Variants in GRM1 observed in about 807,000 individuals in gnomAD.
GRM1 encodes the protein glutamate metabotropic receptor 1, also known as metabotropic glutamate receptor 1.
GRM1 carries 33 observed loss-of-function variants against 90.9 expected under a neutral mutation model. The observed-to-expected ratio is 0.36, with a 90% CI of 0.28 to 0.49. The LOEUF is 0.49. Ranked by LOEUF, GRM1 falls within the 20% of genes least tolerant of loss-of-function variation. The pLI is 0.99. For missense variants in GRM1, 1,190 were observed against 1,534.3 expected, an observed-to-expected ratio of 0.78 and a Z score of 3.75; for synonymous variants, 700 against 613.2, an observed-to-expected ratio of 1.14 and a Z score of -2.09.
At chr6:146,316,081 A>T (rs2114956335) in intron 3 of GRM1, among the ~76,000 whole-genome samples, 1 of 152,206 alleles carries the variant, frequency 6.6e-6, no homozygotes, top group East Asian at 1.9e-4. Context: ...AACCTCTAAG[A>T]CCCTGACAAG....
At chr6:146,036,953 A>G (rs1157109722) in intron 1 of GRM1, among the ~76,000 whole-genome samples, 1 of 152,012 alleles carries the variant, frequency 6.6e-6, no homozygotes, top group Non-Finnish European at 1.5e-5. Context: ...ATTTGTTGGA[A>G]GAGACATGTA....
chr6:146,050,182 G>A (rs1791475180), intron 1 of GRM1, among the ~76,000 whole-genome samples: 2 of 151,928 alleles, frequency 1.3e-5, no homozygotes, highest in African/African-American at 2.4e-5. Context: ...TATTGCATTC[G>A]ACACACCTGT....
intron 2 of GRM1, among the ~76,000 whole-genome samples, chr6:146,196,526 C>T (rs1057401719): frequency 4.3e-5 from 6 of 139,622 alleles, no homozygotes; most frequent in Non-Finnish European, 9.1e-5. Flanking sequence ...AGGATGGTCT[C>T]GATCTCCTGA....
intron 2 of GRM1, among the ~76,000 whole-genome samples, chr6:146,212,260 C>A (rs1406814994): frequency 6.6e-6 from 1 of 152,180 alleles, no homozygotes; most frequent in Non-Finnish European, 1.5e-5. Context: ...GTTGACACAT[C>A]TGAAGACCAT....
At chr6:146,325,537 AG>A (rs1784372644) in intron 3 of GRM1, among the ~76,000 whole-genome samples, 1 of 152,216 alleles carries the variant, frequency 6.6e-6, no homozygotes, top group African/African-American at 2.4e-5. Context: ...AAATGGCCTC[AG>A]CCTGGCTGTA....
At chr6:146,390,328 G>A (rs913704526) in intron 6 of GRM1, among the ~76,000 whole-genome samples, 3 of 151,278 alleles carry the variant, frequency 2.0e-5, no homozygotes, top group Admixed American at 1.3e-4. Flanking sequence ...ATATTTCTTA[G>A]AGAAAGTGCT....
chr6:146,425,654 G>C (rs1176037833), intron 7 of GRM1, among the ~76,000 whole-genome samples: 1 of 152,162 alleles, frequency 6.6e-6, no homozygotes, highest in Non-Finnish European at 1.5e-5. Flanking sequence ...TTTCTCCCCA[G>C]TTGAACCAGC....
intron 5 of GRM1, among the ~76,000 whole-genome samples, chr6:146,381,596 C>T (rs984065047): frequency 1.3e-5 from 2 of 152,122 alleles, no homozygotes; most frequent in African/African-American, 4.8e-5. Flanking sequence ...TGAGTGTTTA[C>T]TTGATTTTTG....
chr6:146,298,511 G>A (rs1783264922), intron 2 of GRM1, among the ~76,000 whole-genome samples: 1 of 152,128 alleles, frequency 6.6e-6, no homozygotes, highest in Non-Finnish European at 1.5e-5. Flanking sequence ...TCAAAACTGG[G>A]TCCATTCTAA....
intron 2 of GRM1, among the ~76,000 whole-genome samples, chr6:146,233,691 A>G (rs6570745): frequency 0.22 from 33,431 of 151,986 alleles, 7,569 homozygotes; most frequent in African/African-American, 0.58. Flanking sequence ...ATTTTTAAAA[A>G]TGTGTTAGGA....
intron 2 of GRM1, among the ~76,000 whole-genome samples, chr6:146,304,357 A>C (rs1303422538): frequency 6.6e-6 from 1 of 152,186 alleles, no homozygotes; most frequent in Admixed American, 6.5e-5. Flanking sequence ...GTGAATACTC[A>C]TCGAACTTTA....
intron 5 of GRM1, among the ~76,000 whole-genome samples, chr6:146,365,757 G>A (rs980076794): frequency 3.3e-5 from 5 of 152,036 alleles, no homozygotes; most frequent in Admixed American, 6.6e-5. Flanking sequence ...ACATCTTAGC[G>A]GGACCTTACC....
intron 5 of GRM1, among the ~76,000 whole-genome samples, chr6:146,374,437 AATTGGT>A (rs2115102260): frequency 6.6e-6 from 1 of 152,184 alleles, no homozygotes; most frequent in East Asian, 1.9e-4. Flanking sequence ...GTTTGAGTAG[AATTGGT>A]ATTAGGTTTT....
intron 1 of GRM1, among the ~76,000 whole-genome samples, chr6:146,099,881 T>C (rs1340909866): frequency 6.6e-6 from 1 of 152,224 alleles, no homozygotes; most frequent in Non-Finnish European, 1.5e-5. Flanking sequence ...CTAAGGTATA[T>C]ACTTAGCAGT....
intron 2 of GRM1, among the ~76,000 whole-genome samples, chr6:146,270,003 A>C (rs1352510392): frequency 6.6e-6 from 1 of 151,882 alleles, no homozygotes; most frequent in Non-Finnish European, 1.5e-5. Context: ...ATCAATTTGC[A>C]TAAAATTCAG....
intron 1 of GRM1, among the ~76,000 whole-genome samples, chr6:146,101,832 AAT>A (rs1489229552): frequency 6.7e-6 from 1 of 148,696 alleles, no homozygotes; most frequent in Non-Finnish European, 1.5e-5. Flanking sequence ...TTATTACTGT[AAT>A]ATATAATTAC....
chr6:146,358,551 G>A (rs1378845034), intron 5 of GRM1, among the ~76,000 whole-genome samples: 2 of 152,172 alleles, frequency 1.3e-5, no homozygotes, highest in Admixed American at 6.5e-5. Flanking sequence ...GCTGGAGCTG[G>A]GGTAGATCAG....
intron 1 of GRM1, among the ~76,000 whole-genome samples, chr6:146,117,058 G>A (rs1775776353): frequency 6.6e-6 from 1 of 150,738 alleles, no homozygotes; most frequent in African/African-American, 2.4e-5. Context: ...TTTATTTTTG[G>A]TGTGTTTATT....
chr6:146,178,890 T>G (rs1778433294), intron 2 of GRM1, among the ~76,000 whole-genome samples: 1 of 152,130 alleles, frequency 6.6e-6, no homozygotes, highest in Non-Finnish European at 1.5e-5. Context: ...GAAGCTGGGT[T>G]AGGAACATCC....
Sources: allele counts gnomAD v4.1 joint callset (sites outside exome capture counted in the v4.1 genomes callset), GRCh38; gene constraint gnomAD v4.1.1; transcripts MANE v1.5; gene names NCBI Gene and HGNC (gene_info 2026-07-23, HGNC 2026-07-21).